UBTD1: variants seen among roughly 807,000 people sequenced by gnomAD.
UBTD1 encodes the protein ubiquitin domain-containing protein 1.
In UBTD1, 19 loss-of-function variants were observed where a neutral mutation model predicts 21.7. The observed-to-expected ratio is 0.87, with a 90% CI of 0.61 to 1.28. The LOEUF is 1.28. Among genes scored for constraint, UBTD1 ranks in the 50% most tolerant of loss-of-function variants. UBTD1 has a pLI of 0.00. For synonymous variants in UBTD1, 116 were observed against 135.1 expected (o/e 0.86, Z 0.98); for missense variants, 282 against 315.1 (o/e 0.89, Z 0.80).
intron 1 of UBTD1, among the ~76,000 whole-genome samples, chr10:97,522,076 A>G (rs2040469068): frequency 6.6e-6 from 1 of 152,210 alleles, no homozygotes; most frequent in African/African-American, 2.4e-5. Context: ...AGGTGGCAAG[A>G]GCATGTCTGA....
At chr10:97,568,500 CAT>C (rs1237009319) in intron 2 of UBTD1, among the ~76,000 whole-genome samples, 1 of 152,066 alleles carries the variant, frequency 6.6e-6, no homozygotes, top group Non-Finnish European at 1.5e-5. Context: ...CGGTTCACTG[CAT>C]CCTTCACCTC....
At chr10:97,544,696 T>C (rs1013710042) in intron 1 of UBTD1, among the ~76,000 whole-genome samples, 1 of 152,210 alleles carries the variant, frequency 6.6e-6, no homozygotes, top group African/African-American at 2.4e-5. Flanking sequence ...AAAAATGTTA[T>C]TAAGCAAATC....
chr10:97,553,776 C>T (rs2040651539), intron 1 of UBTD1, among the ~76,000 whole-genome samples: 1 of 152,200 alleles, frequency 6.6e-6, no homozygotes, highest in Admixed American at 6.5e-5. Context: ...TGCCCCCTCC[C>T]CCTCACCAGC....
intron 1 of UBTD1, among the ~76,000 whole-genome samples, chr10:97,567,258 A>G (rs1326867385): frequency 6.6e-6 from 1 of 151,426 alleles, no homozygotes; most frequent in East Asian, 2.0e-4. Flanking sequence ...TTTTTTGTAG[A>G]AACAGGGTTT....
Position 97,545,291 on chromosome 10 carries a change from A to T in UBTD1, c.71-22623A>T, listed in dbSNP as rs12355384. Among the ~76,000 whole-genome samples, 56 of 149,996 alleles carry T rather than the reference A, an allele frequency of 3.7e-4. No individual in the cohort carries two copies. The East Asian group carries it at 8.5e-3, about 23-fold the overall frequency. ...AGGAGGCAGAGCTTGCAGTGAGTTG[A>T]GATCCGCCACTGCACTCCAGCCTGG... On this transcript the variant is annotated intron_variant, in intron 1 of 2. Transcript: ENST00000370664.
At chr10:97,568,493 T>C (rs10748704) in intron 2 of UBTD1, among the ~76,000 whole-genome samples, 144,865 of 152,018 alleles carry the variant, frequency 0.95, 69,193 homozygotes, top group East Asian at 0.99. Flanking sequence ...GGGATCTCGG[T>C]TCACTGCATC....
intron 1 of UBTD1, among the ~76,000 whole-genome samples, chr10:97,534,012 A>G (rs2040547108): frequency 6.6e-6 from 1 of 151,854 alleles, no homozygotes; most frequent in Non-Finnish European, 1.5e-5. Context: ...GCCCTAGGCC[A>G]GCGGGGCCCT....
intron 1 of UBTD1, among the ~76,000 whole-genome samples, chr10:97,501,988 T>C (rs1341884893): frequency 6.6e-6 from 1 of 152,228 alleles, no homozygotes; most frequent in Non-Finnish European, 1.5e-5. Flanking sequence ...CTTTGATGTT[T>C]ACAGTCTTTT....
At chr10:97,552,392 C>CT (rs1745555448) in intron 1 of UBTD1, among the ~76,000 whole-genome samples, 1 of 42,854 alleles carries the variant, frequency 2.3e-5, no homozygotes, top group Non-Finnish European at 6.5e-5. Flanking sequence ...AATTATACAC[C>CT]CTTTTTTTTT....
At chr10:97,545,387 C>CGTGTGCGT (rs141608116) in intron 1 of UBTD1, among the ~76,000 whole-genome samples, 1 of 120,716 alleles carries the variant, frequency 8.3e-6, no homozygotes, top group African/African-American at 3.9e-5. Context: ...GTATGGGGCT[C>CGTGTGCGT]GTGTGTGTGT....
chr10:97,525,591 T>C (rs1195616529), intron 1 of UBTD1, among the ~76,000 whole-genome samples: 5 of 152,216 alleles, frequency 3.3e-5, no homozygotes, highest in African/African-American at 1.2e-4. Context: ...AGGTCCCAGC[T>C]GTCTATGCGG....
At chr10:97,535,823 T>G (rs1174451733) in intron 1 of UBTD1, among the ~76,000 whole-genome samples, 2 of 151,588 alleles carry the variant, frequency 1.3e-5, no homozygotes, top group African/African-American at 4.9e-5. Flanking sequence ...GAGGCTGAGG[T>G]AGAAGGATCG....
intron 1 of UBTD1, among the ~76,000 whole-genome samples, chr10:97,522,758 T>C (rs1319722765): frequency 6.6e-6 from 1 of 152,028 alleles, no homozygotes; most frequent in Non-Finnish European, 1.5e-5. Context: ...AAGGTGAGGG[T>C]GGGGATAGAC....
At chr10:97,567,519 C>T (rs1253386240) in intron 1 of UBTD1, among the ~76,000 whole-genome samples, 1 of 151,338 alleles carries the variant, frequency 6.6e-6, no homozygotes, top group Admixed American at 6.6e-5. Flanking sequence ...ATTAATCAGG[C>T]GTGGTGGTGG....
intron 1 of UBTD1, among the ~76,000 whole-genome samples, chr10:97,518,368 G>A (rs1255896218): frequency 6.6e-6 from 1 of 152,182 alleles, no homozygotes; most frequent in East Asian, 1.9e-4. Flanking sequence ...CGAGGACAAG[G>A]CCCTCTATCC....
At chr10:97,546,865 G>T (rs1246706782) in intron 1 of UBTD1, among the ~76,000 whole-genome samples, 1 of 152,104 alleles carries the variant, frequency 6.6e-6, no homozygotes, top group East Asian at 1.9e-4. Flanking sequence ...TTGGCAGAAA[G>T]AATTTACTGT....
chr10:97,516,869 C>G (rs1354209311), intron 1 of UBTD1, among the ~76,000 whole-genome samples: 1 of 151,960 alleles, frequency 6.6e-6, no homozygotes, highest in African/African-American at 2.4e-5. Context: ...GAGTGGGGAC[C>G]AACCTGCACC....
intron 1 of UBTD1, among the ~76,000 whole-genome samples, chr10:97,502,867 G>GTA (rs920911670): frequency 8.1e-4 from 118 of 146,034 alleles, no homozygotes; most frequent in Non-Finnish European, 1.2e-3. Context: ...GTATATATAC[G>GTA]TATATATGTA....
At chr10:97,541,244 A>G (rs540376402) in intron 1 of UBTD1, among the ~76,000 whole-genome samples, 1 of 152,166 alleles carries the variant, frequency 6.6e-6, no homozygotes, top group Non-Finnish European at 1.5e-5. Context: ...CGGGAGGCTG[A>G]GGCAGGAGGA....
Sources: gnomAD v4.1 joint callset for allele counts (sites outside exome capture counted in the v4.1 genomes callset) on GRCh38, gnomAD v4.1.1 for gene constraint, MANE v1.5 for transcripts, NCBI Gene and HGNC (gene_info 2026-07-23, HGNC 2026-07-21) for gene names.